The following CDK17 variants were observed in gnomAD, a reference collection of about 807,000 sequenced individuals.
CDK17 encodes the protein cyclin dependent kinase 17, also known as cyclin-dependent kinase 17.
Under a neutral mutation model 77.6 loss-of-function variants are expected in CDK17, and 24 were observed. That is an observed-to-expected ratio of 0.31 (90% CI 0.22 to 0.44). CDK17 has a LOEUF of 0.44. CDK17 is among the 20% of genes least tolerant of loss of function. The pLI, the probability that CDK17 is intolerant of heterozygous loss-of-function variation, is 1.00. For missense variants in CDK17, 429 were observed against 622.5 expected (o/e 0.69, Z 3.31); for synonymous variants, 203 against 210.4 (o/e 0.96, Z 0.30).
chr12:96,379,212 C>T (rs1288318903), intron 1 of CDK17, among the ~76,000 whole-genome samples: 1 of 152,060 alleles, frequency 6.6e-6, no homozygotes. Context: ...TGCAGTACAG[C>T]TGCTAAAATT....
chr12:96,282,364 C>T (rs540615093), intron 15 of CDK17, 145 bp downstream of exon 15: 4 of 579,778 alleles, frequency 6.9e-6, no homozygotes, highest in Admixed American at 3.1e-5. Flanking sequence ...AAGACACACA[C>T]CTCCCTTCAA....
chr12:96,298,707 T>C (rs577019495), intron 7 of CDK17, among the ~76,000 whole-genome samples, 162 bp downstream of exon 7: 2 of 152,336 alleles, frequency 1.3e-5, no homozygotes, highest in South Asian at 4.1e-4. Flanking sequence ...TACACTAATA[T>C]AATTAATCCC....
intron 15 of CDK17, 116 bp downstream of exon 15, chr12:96,282,393 T>C (rs928662297): frequency 6.1e-6 from 4 of 654,362 alleles, no homozygotes; most frequent in Middle Eastern, 2.5e-4. Context: ...AATCTAACTA[T>C]AGAGAAGACT....
chr12:96,390,947 C>T (rs895531953), intron 1 of CDK17, among the ~76,000 whole-genome samples: 1 of 151,540 alleles, frequency 6.6e-6, no homozygotes, highest in Non-Finnish European at 1.5e-5. Context: ...ATTAGCCAGG[C>T]ATGGTGGCAC....
intron 4 of CDK17, among the ~76,000 whole-genome samples, chr12:96,312,481 T>C (rs556951332): frequency 6.6e-6 from 1 of 152,122 alleles, no homozygotes; most frequent in Non-Finnish European, 1.5e-5. Flanking sequence ...GTCACATAAA[T>C]ATATCGTTGA....
chr12:96,283,672 A>AT (rs746020912), intron 13 of CDK17, 27 bp from the exon 14 acceptor site: 1 of 1,512,818 alleles, frequency 6.6e-7, no homozygotes, highest in African/African-American at 1.4e-5. Flanking sequence ...ACAAGTAAAA[A>AT]TTTATGCTCT....
intron 10 of CDK17, among the ~76,000 whole-genome samples, chr12:96,292,284 A>C (rs1256282484): frequency 6.6e-6 from 1 of 152,130 alleles, no homozygotes; most frequent in African/African-American, 2.4e-5. Context: ...TATTTATTAA[A>C]TTTAATGAAA....
intron 1 of CDK17, among the ~76,000 whole-genome samples, chr12:96,373,609 G>A (rs960380482): frequency 6.0e-5 from 9 of 151,132 alleles, no homozygotes; most frequent in Non-Finnish European, 1.3e-4. Context: ...AGAAAAGAGA[G>A]AGAGAGAAAA....
At chr12:96,305,237 A>T (rs1200490378) in intron 5 of CDK17, among the ~76,000 whole-genome samples, 2 of 152,256 alleles carry the variant, frequency 1.3e-5, no homozygotes, top group African/African-American at 4.8e-5. Flanking sequence ...AATATTTTTA[A>T]CATGACATAT....
intron 5 of CDK17, among the ~76,000 whole-genome samples, chr12:96,303,939 T>G (rs1308041943): frequency 6.6e-6 from 1 of 152,192 alleles, no homozygotes; most frequent in African/African-American, 2.4e-5. Context: ...CTGTATGTAC[T>G]AGGTTTTTCC....
intron 1 of CDK17, among the ~76,000 whole-genome samples, chr12:96,354,779 G>C (rs185424390): frequency 6.6e-6 from 1 of 152,138 alleles, no homozygotes; most frequent in East Asian, 1.9e-4. Context: ...AGCTACTCAG[G>C]AGGCTGAGAC....
At chr12:96,344,807 G>T (rs1442529210) in intron 1 of CDK17, among the ~76,000 whole-genome samples, 1 of 152,054 alleles carries the variant, frequency 6.6e-6, no homozygotes, top group Non-Finnish European at 1.5e-5. Flanking sequence ...TGCTTTTCTT[G>T]TTTTTTTAAT....
At chr12:96,322,578 C>T (rs1952836606) in intron 3 of CDK17, among the ~76,000 whole-genome samples, 1 of 151,730 alleles carries the variant, frequency 6.6e-6, no homozygotes, top group Non-Finnish European at 1.5e-5. Context: ...TGACTTCTCT[C>T]TCCATGGACA....
chr12:96,334,047 A>C (rs371722670), intron 2 of CDK17, among the ~76,000 whole-genome samples: 4 of 152,154 alleles, frequency 2.6e-5, no homozygotes, highest in East Asian at 1.9e-4. Flanking sequence ...CACTGCCACA[A>C]ATCTCTAACA....
At chr12:96,393,354 CAAAAAAAAA>C (rs10633197) in intron 1 of CDK17, among the ~76,000 whole-genome samples, 12 of 43,348 alleles carry the variant, frequency 2.8e-4, no homozygotes, top group African/African-American at 1.1e-3. Context: ...GGCTCCGCCT[CAAAAAAAAA>C]AAAAAAAAAA....
intron 1 of CDK17, among the ~76,000 whole-genome samples, chr12:96,342,416 G>A (rs1251556471): frequency 1.3e-5 from 2 of 152,130 alleles, no homozygotes; most frequent in Non-Finnish European, 1.5e-5. Context: ...ACAAAAATTA[G>A]CCAGGCGTGG....
chr12:96,339,806 T>A (rs1362521529), intron 1 of CDK17, among the ~76,000 whole-genome samples: 1 of 151,910 alleles, frequency 6.6e-6, no homozygotes, highest in Admixed American at 6.6e-5. Context: ...GGTGCACGCC[T>A]GTAATCCTAG....
At chr12:96,396,682 T>A (rs972011526) in intron 1 of CDK17, among the ~76,000 whole-genome samples, 1 of 152,150 alleles carries the variant, frequency 6.6e-6, no homozygotes, top group East Asian at 1.9e-4. Context: ...CTGAGACAAT[T>A]TTTTAAACAG....
intron 1 of CDK17, among the ~76,000 whole-genome samples, chr12:96,371,747 GA>G (rs1465996050): frequency 6.0e-5 from 9 of 149,056 alleles, no homozygotes. Flanking sequence ...AAAATAAAAA[GA>G]AAAAGAATGA....
Sources: gnomAD v4.1 joint callset for allele counts (sites outside exome capture counted in the v4.1 genomes callset) on GRCh38, gnomAD v4.1.1 for gene constraint, MANE v1.5 for transcripts, NCBI Gene and HGNC (gene_info 2026-07-23, HGNC 2026-07-21) for gene names.